Variants in CSMD1 observed in about 807,000 individuals in gnomAD.
The protein encoded by CSMD1 is CUB and sushi domain-containing protein 1.
In CSMD1, 213 loss-of-function variants were observed where a neutral mutation model predicts 417.5. That is an observed-to-expected ratio of 0.51 (90% CI 0.46 to 0.57). CSMD1 has a LOEUF of 0.57. CSMD1 is among the 20% of genes least tolerant of loss of function. The probability of loss-of-function intolerance (pLI) is 0.00; values close to 1 mark genes in which losing one functional copy is unlikely to be tolerated. For synonymous variants in CSMD1, 2,862 were observed against 1,736.8 expected (o/e 1.65, Z -16.11); for missense variants, 6,923 against 4,529.7 (o/e 1.53, Z -15.17).
At chr8:3,999,052 T>G (rs559756022) in intron 4 of CSMD1, among the ~76,000 whole-genome samples, 61 of 150,238 alleles carry the variant, frequency 4.1e-4, no homozygotes, top group South Asian at 8.3e-4. Context: ...TATAGCTATG[T>G]TATATATATA....
At chr8:4,951,777 A>G (rs760359181) in intron 1 of CSMD1, among the ~76,000 whole-genome samples, 2 of 151,776 alleles carry the variant, frequency 1.3e-5, no homozygotes, top group Non-Finnish European at 2.9e-5. Context: ...CCTTTCCTTA[A>G]TATCTCTGGT....
At chr8:4,625,750 G>C (rs1194655787) in intron 2 of CSMD1, among the ~76,000 whole-genome samples, 2 of 152,098 alleles carry the variant, frequency 1.3e-5, no homozygotes, top group Admixed American at 6.6e-5. Context: ...TTGAGAAAGA[G>C]TCTGGTTCTG....
chr8:3,306,340 C>CTTTTTGTATTTT (rs1584966720), intron 25 of CSMD1, among the ~76,000 whole-genome samples: 2 of 152,280 alleles, frequency 1.3e-5, no homozygotes, highest in Admixed American at 1.3e-4. Flanking sequence ...TGCCCAGATG[C>CTTTTTGTATTTT]TTTTTGTATT....
intron 5 of CSMD1, among the ~76,000 whole-genome samples, chr8:3,848,280 G>C (rs1163622195): frequency 6.6e-6 from 1 of 152,050 alleles, no homozygotes; most frequent in Non-Finnish European, 1.5e-5. Context: ...TGCCCAACAG[G>C]GGAGCTCATT....
intron 1 of CSMD1, among the ~76,000 whole-genome samples, chr8:4,682,200 G>C (rs1193254753): frequency 6.6e-6 from 1 of 151,922 alleles, no homozygotes; most frequent in Admixed American, 6.6e-5. Context: ...CTAAATTTTT[G>C]AATTGTTTTT....
At chr8:4,737,068 A>T (rs1449464213) in intron 1 of CSMD1, among the ~76,000 whole-genome samples, 2 of 152,218 alleles carry the variant, frequency 1.3e-5, no homozygotes, top group African/African-American at 4.8e-5. Context: ...ACAAAAGAAA[A>T]GACATGTAAT....
intron 2 of CSMD1, among the ~76,000 whole-genome samples, chr8:4,548,613 C>G (rs1169512692): frequency 1.3e-5 from 2 of 152,156 alleles, no homozygotes; most frequent in African/African-American, 4.8e-5. Flanking sequence ...GTAATAGATG[C>G]AAATGGCTTT....
chr8:4,194,945 C>G (rs776582462), intron 3 of CSMD1, among the ~76,000 whole-genome samples: 1 of 151,654 alleles, frequency 6.6e-6, no homozygotes, highest in Non-Finnish European at 1.5e-5. Flanking sequence ...GATTAGTCCC[C>G]GGGTGAAAAT....
intron 5 of CSMD1, among the ~76,000 whole-genome samples, chr8:3,797,786 C>T (rs570655655): frequency 6.6e-6 from 1 of 151,816 alleles, no homozygotes; most frequent in African/African-American, 2.4e-5. Context: ...ACAGAAAATT[C>T]CTAGGTTATT....
chr8:3,243,785 A>G (rs140286637), intron 26 of CSMD1, among the ~76,000 whole-genome samples: 18 of 150,474 alleles, frequency 1.2e-4, no homozygotes, highest in African/African-American at 3.9e-4. Flanking sequence ...TATATATAAT[A>G]TTGTCATTTA....
At position 4,942,366 on chromosome 8, in the gene CSMD1, T is replaced by C. The variant is rs115526914; in HGVS notation, c.85+51966A>G. Among the ~76,000 whole-genome samples, 926 of 152,322 alleles carry C rather than the reference T, an allele frequency of 6.1e-3. 4 individuals carry two copies. Among genetic ancestry groups the C allele is most frequent in the South Asian group, 0.01 (49 of 4,822 alleles). ...ATTGCTTTCTCGGTACCCTTGTAGT[T>C]TGATGTTTCTTTGCTGAGATTACTC... On this transcript the variant is annotated intron_variant, in intron 1 of 69. Coordinates refer to ENST00000635120, the MANE Select transcript of CSMD1 (RefSeq NM_033225.6).
intron 3 of CSMD1, among the ~76,000 whole-genome samples, chr8:4,236,260 T>A (rs1418239420): frequency 2.0e-5 from 3 of 152,032 alleles, no homozygotes; most frequent in Non-Finnish European, 4.4e-5. Context: ...GGGGCTTTAT[T>A]TGTAATTGGC....
chr8:3,171,595 C>G (rs1310485283), intron 37 of CSMD1, among the ~76,000 whole-genome samples: 1 of 152,130 alleles, frequency 6.6e-6, no homozygotes. Flanking sequence ...GCAAGACCTA[C>G]TGTAGAACAG....
intron 3 of CSMD1, among the ~76,000 whole-genome samples, chr8:4,090,195 G>A (rs1463724607): frequency 6.6e-6 from 1 of 152,126 alleles, no homozygotes; most frequent in Non-Finnish European, 1.5e-5. Context: ...TTTGACTACA[G>A]TACATGATTG....
At position 3,181,052 on chromosome 8, in the gene CSMD1, T is replaced by G. The variant is rs1821289663; in HGVS notation, c.5725+58A>C. ...TAATAAGAGCATGATTTATTTTTTC[T>G]TTAAAAAAATGACTCAGTATAACAG... On this transcript the variant is annotated intron_variant, in intron 37 of 69. Transcript: ENST00000635120. The G allele has an allele frequency of 2.9e-6, 3 of 1,044,234 alleles. No homozygotes were observed. The African/African-American group carries it at 4.8e-5, about 17-fold the overall frequency. 64.7% of individuals were successfully genotyped at this position (1,044,234 alleles called of 1,614,324 possible). A position where few individuals can be genotyped will look rare whatever the true frequency, so the allele number is the denominator to read the frequency against.
chr8:4,452,724 G>C (rs1799223914), intron 2 of CSMD1, among the ~76,000 whole-genome samples: 1 of 151,960 alleles, frequency 6.6e-6, no homozygotes, highest in African/African-American at 2.4e-5. Flanking sequence ...AATCAACACG[G>C]ACACAGACAC....
In CSMD1 at chr8:3,058,303, A is replaced by G. The variant is rs145760788; in HGVS notation, c.7475-5656T>C. On this transcript the variant is annotated intron_variant, in intron 49 of 69. Transcript: ENST00000635120. ...AAAATTACTAGTACTTTAAAAATAA[A>G]TATCAATGCTGCTTCAACAGATCTG... is the stretch of plus-strand genomic sequence containing the variant. 3.5e-4 allele frequency among the ~76,000 whole-genome samples: 53 copies of G among 152,356 alleles called. 2 individuals are homozygous for G. The East Asian group carries it at 9.8e-3, about 28-fold the overall frequency.
intron 3 of CSMD1, among the ~76,000 whole-genome samples, chr8:4,284,466 T>G (rs997337808): frequency 7.2e-6 from 1 of 139,800 alleles, no homozygotes; most frequent in Non-Finnish European, 1.5e-5. Flanking sequence ...CCCGTCACCA[T>G]GTGGCTTTCT....
intron 3 of CSMD1, among the ~76,000 whole-genome samples, chr8:4,288,316 C>G (rs530430069): frequency 5.6e-4 from 86 of 152,250 alleles, no homozygotes; most frequent in African/African-American, 2.0e-3. Context: ...TGGGGCCACC[C>G]TGAAGGGCTC....
Sources: gnomAD v4.1 joint callset for allele counts (sites outside exome capture counted in the v4.1 genomes callset) on GRCh38, gnomAD v4.1.1 for gene constraint, MANE v1.5 for transcripts, NCBI Gene and HGNC (gene_info 2026-07-23, HGNC 2026-07-21) for gene names.